The following LMO1 variants were observed in gnomAD, a reference collection of about 807,000 sequenced individuals.
The protein encoded by LMO1 is LIM domain only 1.
LMO1 carries 10 observed loss-of-function variants against 18.0 expected under a neutral mutation model. The observed-to-expected ratio is 0.55, with a 90% confidence interval of 0.34 to 0.94. The LOEUF is 0.94. LMO1 is among the 40% of genes least tolerant of loss of function. LMO1 has a pLI of 0.02. For synonymous variants in LMO1, 77 were observed against 77.9 expected (o/e 0.99, Z 0.06); for missense variants, 183 against 205.7 (o/e 0.89, Z 0.68).
At chr11:8,238,042 A>G (rs965827210) in intron 1 of LMO1, among the ~76,000 whole-genome samples, 5 of 152,246 alleles carry the variant, frequency 3.3e-5, no homozygotes, top group African/African-American at 1.2e-4. Context: ...CTTATGACCC[A>G]ACAATTATAT....
intron 1 of LMO1, among the ~76,000 whole-genome samples, chr11:8,246,148 A>G (rs1331801509): frequency 2.0e-5 from 3 of 152,150 alleles, no homozygotes; most frequent in African/African-American, 7.2e-5. Context: ...TTTGGAGGGG[A>G]CAAACATCGA....
intron 1 of LMO1, among the ~76,000 whole-genome samples, chr11:8,232,136 A>G (rs1952673432): frequency 6.6e-6 from 1 of 152,076 alleles, no homozygotes; most frequent in African/African-American, 2.4e-5. Flanking sequence ...GCCCACCCAC[A>G]GGCTACAGTG....
intron 1 of LMO1, among the ~76,000 whole-genome samples, chr11:8,244,838 C>T (rs1253660024): frequency 1.3e-5 from 2 of 152,162 alleles, no homozygotes; most frequent in East Asian, 3.9e-4. Context: ...AAACACTGGG[C>T]CTTCCCAGGG....
At chr11:8,233,388 C>T (rs1183229219) in intron 1 of LMO1, among the ~76,000 whole-genome samples, 1 of 152,154 alleles carries the variant, frequency 6.6e-6, no homozygotes, top group Admixed American at 6.5e-5. Flanking sequence ...CAGAGCATAT[C>T]CCCCTGGTCT....
chr11:8,260,174 T>C (rs1002273664), intron 1 of LMO1, among the ~76,000 whole-genome samples: 3 of 152,168 alleles, frequency 2.0e-5, no homozygotes, highest in African/African-American at 7.2e-5. Flanking sequence ...CTGCTCCTAC[T>C]CAAAGGCCTC....
At chr11:8,229,646 G>A (rs990427191) in intron 2 of LMO1, among the ~76,000 whole-genome samples, 1 of 152,204 alleles carries the variant, frequency 6.6e-6, no homozygotes, top group Non-Finnish European at 1.5e-5. Context: ...GAGCTCAGAG[G>A]AATGCAAGGC....
At chr11:8,236,065 ATCTG>A (rs1952756680) in intron 1 of LMO1, among the ~76,000 whole-genome samples, 1 of 152,166 alleles carries the variant, frequency 6.6e-6, no homozygotes, top group Non-Finnish European at 1.5e-5. Context: ...AAGCCACCCT[ATCTG>A]TCCAACAGGC....
chr11:8,267,050 G>C (rs755298104), upstream of LMO1, among the ~76,000 whole-genome samples: 2 of 152,234 alleles, frequency 1.3e-5, no homozygotes, highest in Non-Finnish European at 2.9e-5. Context: ...CAACCCGCTG[G>C]AGTGAAGAAG....
chr11:8,239,037 T>C (rs1030403339), intron 1 of LMO1, among the ~76,000 whole-genome samples: 1 of 152,192 alleles, frequency 6.6e-6, no homozygotes, highest in South Asian at 2.1e-4. Flanking sequence ...CACTAAATGA[T>C]TACCCCCATT....
At chr11:8,245,634 C>T (rs968076613) in intron 1 of LMO1, among the ~76,000 whole-genome samples, 1 of 152,164 alleles carries the variant, frequency 6.6e-6, no homozygotes, top group East Asian at 1.9e-4. Context: ...AAGTACCAGG[C>T]TAAGGGCAGC....
Position 8,225,398 on chromosome 11 carries a change from C to A in LMO1, c.366-677G>T, listed in dbSNP as rs146763635. On this transcript the variant is annotated intron_variant, in intron 3 of 3. Coordinates refer to ENST00000335790, the MANE Select transcript of LMO1 (RefSeq NM_002315.3). ...CCAACCTGGGCGACAGAGTAAGACT[C>A]CATCTCAAAAAAAAAAAAAAAAAAA... Among the ~76,000 whole-genome samples, 769 of 100,614 alleles carry A rather than the reference C, an allele frequency of 7.6e-3. 25 individuals are homozygous for A. The East Asian group carries it at 0.15, about 20-fold the overall frequency. The allele number at this position is 100,614 out of a possible 152,430, so 66.0% of individuals were successfully genotyped here.
chr11:8,258,992 T>TCA (rs1282030648), intron 1 of LMO1, among the ~76,000 whole-genome samples: 1 of 152,182 alleles, frequency 6.6e-6, no homozygotes, highest in Non-Finnish European at 1.5e-5. Context: ...GTTAATGCAG[T>TCA]ATTGACTGCA....
Position 8,263,407 on chromosome 11 carries a change from A to T in LMO1, c.-45T>A. 6.3e-7 allele frequency: 1 copy of T among 1,594,390 alleles called. No homozygotes were observed. The highest frequency in any genetic ancestry group is 8.5e-7 in the Non-Finnish European group (1 of 1,174,816). ...GCCGCAGCTAGGCTCGGCCGGGAGA[A>T]GGGCGCCGACTCGGGGCGCGCTTTG... On this transcript the variant is annotated 5_prime_UTR_variant, in exon 1 of 4. Transcript: ENST00000335790.
chr11:8,244,891 G>A (rs1846868711), intron 1 of LMO1, among the ~76,000 whole-genome samples: 1 of 152,202 alleles, frequency 6.6e-6, no homozygotes, highest in Non-Finnish European at 1.5e-5. Flanking sequence ...GCCCAAGCAA[G>A]GTCTCCTCCT....
At chr11:8,225,799 G>A (rs930556101) in intron 3 of LMO1, among the ~76,000 whole-genome samples, 1 of 152,188 alleles carries the variant, frequency 6.6e-6, no homozygotes, top group Non-Finnish European at 1.5e-5. Flanking sequence ...CAGCAGGTCC[G>A]GCCAGAGCCC....
At chr11:8,232,885 C>T (rs1952693518) in intron 1 of LMO1, among the ~76,000 whole-genome samples, 1 of 152,186 alleles carries the variant, frequency 6.6e-6, no homozygotes, top group African/African-American at 2.4e-5. Flanking sequence ...GGCTCTTGGA[C>T]AGGCTGGTCT....
intron 1 of LMO1, among the ~76,000 whole-genome samples, chr11:8,249,555 C>G (rs1177651547): frequency 1.3e-5 from 2 of 152,180 alleles, no homozygotes; most frequent in African/African-American, 4.8e-5. Flanking sequence ...ATCTGTCATA[C>G]CCCGAACCTC....
intron 1 of LMO1, among the ~76,000 whole-genome samples, chr11:8,261,174 G>A (rs114307185): frequency 0.011 from 1,656 of 152,262 alleles, 35 homozygotes; most frequent in African/African-American, 0.037. Flanking sequence ...ACCAGTGGAT[G>A]TGCTTGTGCT....
chr11:8,230,899 A>G (rs934620578), intron 1 of LMO1, among the ~76,000 whole-genome samples: 2 of 152,180 alleles, frequency 1.3e-5, no homozygotes, highest in South Asian at 4.1e-4. Context: ...AGCCTAAGAA[A>G]TGTAGTCTCC....
Sources: gnomAD v4.1 joint callset for allele counts (sites outside exome capture counted in the v4.1 genomes callset) on GRCh38, gnomAD v4.1.1 for gene constraint, MANE v1.5 for transcripts, NCBI Gene and HGNC (gene_info 2026-07-23, HGNC 2026-07-21) for gene names.